CEP85L: variants seen among roughly 807,000 people sequenced by gnomAD.
The protein encoded by CEP85L is centrosomal protein of 85 kDa-like.
A neutral mutation model predicts 100.3 loss-of-function variants in CEP85L; 60 were observed. The observed-to-expected ratio is 0.60, with a 90% CI of 0.49 to 0.74. The LOEUF (loss-of-function observed/expected upper bound fraction) is 0.74, where lower values mean the gene tolerates loss of function less well. Among genes scored for constraint, CEP85L ranks in the 30% least tolerant of loss-of-function variants. The probability of loss-of-function intolerance (pLI) is 0.00; values close to 1 mark genes in which losing one functional copy is unlikely to be tolerated. For synonymous variants in CEP85L, 319 were observed against 322.7 expected (o/e 0.99, Z 0.12); for missense variants, 973 against 936.2 (o/e 1.04, Z -0.51).
At position 118,461,348 on chromosome 6, in the gene CEP85L, T is replaced by C. The variant is rs1289963756; in HGVS notation, c.*4057A>G. The C allele has an allele frequency of 6.6e-6, 1 of 152,010 alleles. No individual in the cohort carries two copies. The highest frequency in any genetic ancestry group is 6.6e-5 in the Admixed American group (1 of 15,260). 9.4% of individuals were successfully genotyped at this position (152,010 alleles called of 1,614,324 possible). On this transcript the variant is annotated 3_prime_UTR_variant, in exon 13 of 13. Coordinates refer to ENST00000368491, the MANE Select transcript of CEP85L (RefSeq NM_001042475.3). ...AGGCTGGGCTCCAAAGACATCTATC[T>C]GATAATTCCCCTCATGTTTACTAAG...
rs75223833 is a variant in CEP85L at position 118,504,737 on chromosome 6, G to A, written c.1257+6561C>T. 3.7e-3 allele frequency among the ~76,000 whole-genome samples: 564 copies of A among 152,302 alleles called. 3 individuals are homozygous for A. Among genetic ancestry groups the A allele is most frequent in the African/African-American group, 0.013 (538 of 41,556 alleles). On this transcript the variant is annotated intron_variant, in intron 5 of 12. Coordinates refer to ENST00000368491, the MANE Select transcript of CEP85L (RefSeq NM_001042475.3). ...GGGACTTGAAATTGGCATCTGAAGT[G>A]GAGGGCAGTCTTGTGGTAGTGAGTC...
chr6:118,623,746 C>T (rs1016600169), intron 2 of CEP85L, among the ~76,000 whole-genome samples: 1 of 152,224 alleles, frequency 6.6e-6, no homozygotes, highest in African/African-American at 2.4e-5. Flanking sequence ...CCTGCTCAAT[C>T]AGGAAACGGC....
At chr6:118,553,913 G>C (rs1462097784) in intron 3 of CEP85L, among the ~76,000 whole-genome samples, 2 of 152,190 alleles carry the variant, frequency 1.3e-5, no homozygotes, top group Non-Finnish European at 2.9e-5. Flanking sequence ...GATAGAAAGA[G>C]ACTTGAGGAA....
chr6:118,635,622 G>A (rs998886897), intron 1 of CEP85L, among the ~76,000 whole-genome samples: 8 of 152,104 alleles, frequency 5.3e-5, no homozygotes, highest in East Asian at 1.9e-4. Context: ...CTCAAGATAC[G>A]CAAATTCAGA....
rs11332072 is a variant in CEP85L at position 118,594,853 on chromosome 6, C to CAA, written c.233-28539_233-28538dup. Among the ~76,000 whole-genome samples, 246 of 105,934 alleles carry CAA rather than the reference C, an allele frequency of 2.3e-3. 2 individuals carry two copies. The highest frequency in any genetic ancestry group is 7.9e-3 in the African/African-American group (221 of 27,908). 69.5% of individuals were successfully genotyped at this position (105,934 alleles called of 152,430 possible). A position where few individuals can be genotyped will look rare whatever the true frequency, so the allele number is the denominator to read the frequency against. ...CCAGGGCGACACAGCGAGATTGTCT[C>CAA]AAAAAAAAAAAAACAAACAAAACAA... On this transcript the variant is annotated intron_variant, in intron 2 of 12. Transcript: ENST00000368491.
chr6:118,524,425 C>G (rs1366083096), intron 3 of CEP85L, among the ~76,000 whole-genome samples: 2 of 151,920 alleles, frequency 1.3e-5, no homozygotes, highest in Non-Finnish European at 2.9e-5. Context: ...GCCTGGGTGA[C>G]AGAGCAAGAC....
chr6:118,580,498 C>CT (rs1780511154), intron 2 of CEP85L, among the ~76,000 whole-genome samples: 1 of 152,210 alleles, frequency 6.6e-6, no homozygotes, highest in African/African-American at 2.4e-5. Flanking sequence ...CTACACTTAT[C>CT]GTTGGCTGCT....
In CEP85L at chr6:118,523,835, C is replaced by T. The variant is rs1776801951; in HGVS notation, c.1106G>A (p.Gly369Glu). 2 of 1,593,026 alleles carry T rather than the reference C, an allele frequency of 1.3e-6. No homozygotes were observed. The highest frequency in any genetic ancestry group is 1.7e-6 in the Non-Finnish European group (2 of 1,161,824). The change falls in exon 4 of 13, where the codon GGA (glycine) becomes GAA (glutamate). Residue 369 changes from glycine (G) to glutamate (E), a missense_variant. Gly to Glu is a moderately conservative substitution (Grantham distance 98, BLOSUM62 -2). This residue lies in a region of CEP85L where 890 missense variants were observed against 844.5 expected (regional missense o/e 1.05). Coordinates refer to ENST00000368491, the MANE Select transcript of CEP85L (RefSeq NM_001042475.3). ...KWESMLKIKEGLLRQKEIVID... is the reference protein window; with the variant it reads ...KWESMLKIKEELLRQKEIVID... The stretch of plus-strand genomic sequence containing the variant: ...TACAATTTCTTTCTGCCTTAGAAGT[C>T]CTTCTTTTATTTTCAACATTGATTC...
chr6:118,682,124 C>A (rs1776684956), intron 1 of CEP85L, among the ~76,000 whole-genome samples: 1 of 152,100 alleles, frequency 6.6e-6, no homozygotes, highest in Non-Finnish European at 1.5e-5. Flanking sequence ...ATGTTCAGAC[C>A]ATTTTTTCCA....
chr6:118,465,950 A>G (rs1391121222), intron 12 of CEP85L, among the ~76,000 whole-genome samples: 3 of 152,150 alleles, frequency 2.0e-5, no homozygotes, highest in Non-Finnish European at 2.9e-5. Flanking sequence ...TATCTTACAT[A>G]TTTACGACTG....
intron 6 of CEP85L, among the ~76,000 whole-genome samples, chr6:118,491,152 C>T (rs1368163193): frequency 2.6e-5 from 4 of 151,054 alleles, no homozygotes; most frequent in African/African-American, 9.7e-5. Context: ...TACATTCTCA[C>T]CAATAGTGTA....
At chr6:118,545,082 C>T (rs1296327325) in intron 3 of CEP85L, among the ~76,000 whole-genome samples, 1 of 152,124 alleles carries the variant, frequency 6.6e-6, no homozygotes, top group Non-Finnish European at 1.5e-5. Context: ...GTGAACATTA[C>T]AAAAATTGAT....
At chr6:118,581,389 G>A (rs1201848445) in intron 2 of CEP85L, among the ~76,000 whole-genome samples, 1 of 152,034 alleles carries the variant, frequency 6.6e-6, no homozygotes, top group South Asian at 2.1e-4. Context: ...TCCATTAAAG[G>A]GGCCTTCCCC....
At chr6:118,635,639 G>A (rs1415460474) in intron 1 of CEP85L, among the ~76,000 whole-genome samples, 1 of 152,162 alleles carries the variant, frequency 6.6e-6, no homozygotes, top group African/African-American at 2.4e-5. Context: ...CAGATTCCTA[G>A]TAACAATTTT....
At chr6:118,493,161 A>AT (rs1774687716) in intron 5 of CEP85L, among the ~76,000 whole-genome samples, 1 of 152,180 alleles carries the variant, frequency 6.6e-6, no homozygotes, top group Admixed American at 6.5e-5. Context: ...TTTGAGACAG[A>AT]TTTTGAAAAA....
intron 2 of CEP85L, among the ~76,000 whole-genome samples, chr6:118,617,097 A>C (rs113897723): frequency 6.6e-6 from 1 of 152,198 alleles, no homozygotes; most frequent in East Asian, 1.9e-4. Context: ...AGATACAATT[A>C]AAAGTGAGAG....
intron 3 of CEP85L, among the ~76,000 whole-genome samples, chr6:118,561,384 CTTCA>C (rs1779213591): frequency 6.6e-6 from 1 of 151,876 alleles, no homozygotes; most frequent in Non-Finnish European, 1.5e-5. Flanking sequence ...TTTTTTTGTT[CTTCA>C]TTCTTTGATA....
rs1417864266 is a variant in CEP85L, at chr6:118,651,406, C to T, written c.-137G>A. 2 of 1,349,028 alleles carry T rather than the reference C, an allele frequency of 1.5e-6. No homozygotes were observed. Among genetic ancestry groups the T allele is most frequent in the East Asian group, 6.3e-5 (2 of 31,854 alleles). The allele number at this position is 1,349,028 out of a possible 1,614,324, so 83.6% of individuals were successfully genotyped here. A position where few individuals can be genotyped will look rare whatever the true frequency, so the allele number is the denominator to read the frequency against. Reference sequence around the variant, plus strand: ...GAGGAAAGGCGGGATGGCTGGTTAACGGCTGCTCAGCTACGGGCGGGGAGC... The same window carrying T: ...GAGGAAAGGCGGGATGGCTGGTTAATGGCTGCTCAGCTACGGGCGGGGAGC... On this transcript the variant is annotated 5_prime_UTR_variant, in exon 1 of 13. Coordinates refer to ENST00000368491, the MANE Select transcript of CEP85L (RefSeq NM_001042475.3).
chr6:118,689,940 G>C lies in CEP85L; in HGVS notation c.-28+20096C>G, dbSNP rs552564778. 4.2e-5 allele frequency among the ~76,000 whole-genome samples: 6 copies of C among 144,116 alleles called. No homozygotes were observed. In the East Asian group the frequency reaches 1.2e-3, roughly 28 times the overall value. 94.5% of individuals were successfully genotyped at this position (144,116 alleles called of 152,430 possible). A position where few individuals can be genotyped will look rare whatever the true frequency, so the allele number is the denominator to read the frequency against. On this transcript the variant is annotated intron_variant, in intron 1 of 13. Coordinates refer to the CEP85L transcript ENST00000368488. ...GCTTTTTTTTTTTTTTTTTAATAGG[G>C]CTAGGGTCCCACTATGTTGCCCAGG...
Sources: gnomAD v4.1 joint callset for allele counts (sites outside exome capture counted in the v4.1 genomes callset) on GRCh38, gnomAD v4.1.1 for gene constraint, gnomAD v4.1.1 regional missense constraint, MANE v1.5 for transcripts, NCBI Gene and HGNC (gene_info 2026-07-23, HGNC 2026-07-21) for gene names.